The following SDK1 variants were observed in gnomAD, a reference collection of about 807,000 sequenced individuals.
SDK1 encodes the protein sidekick cell adhesion molecule 1.
In SDK1, 157 loss-of-function variants were observed where a neutral mutation model predicts 245.5. The observed-to-expected ratio is 0.64, with a 90% CI of 0.56 to 0.73. The LOEUF is 0.73. SDK1 is among the 30% of genes least tolerant of loss of function. The probability of loss-of-function intolerance (pLI) is 0.00; values close to 1 mark genes in which losing one functional copy is unlikely to be tolerated. For missense variants in SDK1, 3,583 were observed against 3,002.3 expected (o/e 1.19, Z -4.52); for synonymous variants, 1,647 against 1,278.5 (o/e 1.29, Z -6.15).
At chr7:4,131,202 T>C (rs949791730) in intron 27 of SDK1, among the ~76,000 whole-genome samples, 7 of 152,232 alleles carry the variant, frequency 4.6e-5, no homozygotes, top group Non-Finnish European at 7.3e-5. Flanking sequence ...GCAGGCCCAC[T>C]GCAACTGTTC....
chr7:4,213,570 C>T lies in SDK1; in HGVS notation c.5539+3408C>T, dbSNP rs551292952. Among the ~76,000 whole-genome samples the T allele has an allele frequency of 4.1e-4, 62 of 150,988 alleles. 2 individuals carry two copies. The highest frequency in any genetic ancestry group is 1.4e-3 in the African/African-American group (58 of 40,978). On this transcript the variant is annotated intron_variant, in intron 38 of 44. Transcript: ENST00000404826. ...ACTGCACTCCAGCCTGGTGACAGAG[C>T]GAGATTCTGTCTCAAAAAAAAAAAA...
chr7:3,794,610 C>G (rs1474406592), intron 4 of SDK1, among the ~76,000 whole-genome samples: 1 of 152,144 alleles, frequency 6.6e-6, no homozygotes, highest in Non-Finnish European at 1.5e-5. Context: ...ACCCTCAACC[C>G]CCTTGCCATG....
At chr7:3,971,215 C>A (rs1782462488) in intron 11 of SDK1, among the ~76,000 whole-genome samples, 1 of 152,046 alleles carries the variant, frequency 6.6e-6, no homozygotes, top group Non-Finnish European at 1.5e-5. Context: ...CATTCAGTTA[C>A]TTCCATGGTG....
intron 28 of SDK1, among the ~76,000 whole-genome samples, chr7:4,143,966 C>T (rs977907490): frequency 2.0e-5 from 3 of 152,168 alleles, no homozygotes; most frequent in African/African-American, 7.2e-5. Context: ...CTCTCCTCAC[C>T]GTCAGAGTGC....
intron 1 of SDK1, among the ~76,000 whole-genome samples, chr7:3,476,347 C>T (rs1391088446): frequency 6.6e-6 from 1 of 152,160 alleles, no homozygotes; most frequent in African/African-American, 2.4e-5. Flanking sequence ...CGCTCCTGGT[C>T]GCATCTAACA....
At chr7:3,999,437 A>C (rs767652984) in intron 14 of SDK1, among the ~76,000 whole-genome samples, 1 of 152,232 alleles carries the variant, frequency 6.6e-6, no homozygotes, top group African/African-American at 2.4e-5. Context: ...TTGCCAGGAA[A>C]GTGGATCTGA....
At chr7:4,186,182 G>A (rs563078858) in intron 35 of SDK1, among the ~76,000 whole-genome samples, 9 of 152,206 alleles carry the variant, frequency 5.9e-5, no homozygotes, top group Non-Finnish European at 7.3e-5. Context: ...ATGAATCCAC[G>A]CTGACCGAAA....
chr7:4,249,681 C>T (rs1787164863), intron 44 of SDK1, among the ~76,000 whole-genome samples: 1 of 152,168 alleles, frequency 6.6e-6, no homozygotes, highest in African/African-American at 2.4e-5. Context: ...CGTAGCCTCC[C>T]TTGTCTGTAG....
chr7:4,116,614 G>C (rs1301995357), intron 25 of SDK1, among the ~76,000 whole-genome samples: 1 of 152,210 alleles, frequency 6.6e-6, no homozygotes, highest in African/African-American at 2.4e-5. Flanking sequence ...CTCAATGCTG[G>C]TTAACTTTCA....
chr7:3,626,644 C>T (rs915432722), intron 2 of SDK1, among the ~76,000 whole-genome samples: 3 of 152,222 alleles, frequency 2.0e-5, no homozygotes, highest in African/African-American at 4.8e-5. Context: ...CTTCTCTCCT[C>T]CTCACCTCTG....
chr7:3,971,573 G>A lies in SDK1; in HGVS notation c.1817+5G>A. ...TGACCCCCGGGTTTCACTCCGGTCA[G>A]CACAATCAGTTACAATGCTTTGGGG... On this transcript the variant is annotated splice_donor_5th_base_variant and intron_variant, in intron 12 of 44. Coordinates refer to ENST00000404826, the MANE Select transcript of SDK1 (RefSeq NM_152744.4). 2 of 1,599,578 alleles carry A rather than the reference G, an allele frequency of 1.3e-6. No individual in the cohort carries two copies. Among genetic ancestry groups the A allele is most frequent in the Non-Finnish European group, 8.6e-7 (1 of 1,168,930 alleles).
In SDK1 at chr7:4,265,503, A is replaced by C. The variant is rs888001075; in HGVS notation, c.*119A>C. On this transcript the variant is annotated 3_prime_UTR_variant, in exon 45 of 45. Coordinates refer to ENST00000404826, the MANE Select transcript of SDK1 (RefSeq NM_152744.4). The stretch of plus-strand genomic sequence containing the variant: ...TTTTGTTTAAAAAGAAAAAAATCTG[A>C]TAAGTGATGATTTTACCTACTTGTG... 2.1e-5 allele frequency: 29 copies of C among 1,372,286 alleles called. No homozygotes were observed. In the South Asian group the frequency reaches 4.4e-4, roughly 21 times the overall value. 85.0% of individuals were successfully genotyped at this position (1,372,286 alleles called of 1,614,324 possible). A position where few individuals can be genotyped will look rare whatever the true frequency, so the allele number is the denominator to read the frequency against.
intron 17 of SDK1, among the ~76,000 whole-genome samples, chr7:4,045,543 G>T (rs1016996417): frequency 6.6e-6 from 1 of 152,062 alleles, no homozygotes; most frequent in Non-Finnish European, 1.5e-5. Flanking sequence ...ACTATGCCCC[G>T]CTTCATGTAG....
intron 19 of SDK1, among the ~76,000 whole-genome samples, chr7:4,061,270 A>G (rs1779522776): frequency 6.6e-6 from 1 of 152,106 alleles, no homozygotes; most frequent in South Asian, 2.1e-4. Context: ...CTTCCTACCC[A>G]TGAGCATGGA....
At chr7:3,711,218 C>A (rs1486568338) in intron 4 of SDK1, among the ~76,000 whole-genome samples, 1 of 152,176 alleles carries the variant, frequency 6.6e-6, no homozygotes, top group African/African-American at 2.4e-5. Flanking sequence ...TTGCAGATCT[C>A]TTCTTCTCTT....
chr7:3,536,311 C>G (rs1778886714), intron 1 of SDK1, among the ~76,000 whole-genome samples: 1 of 151,984 alleles, frequency 6.6e-6, no homozygotes, highest in African/African-American at 2.4e-5. Flanking sequence ...TGTGATCTGC[C>G]TGCCTCAGCC....
intron 35 of SDK1, among the ~76,000 whole-genome samples, chr7:4,204,996 C>CGG (rs1784125186): frequency 6.6e-6 from 1 of 151,900 alleles, no homozygotes; most frequent in African/African-American, 2.4e-5. Flanking sequence ...CCCCTAATGG[C>CGG]GGTGTGGTAA....
At chr7:3,812,310 CA>C (rs1333889868) in intron 4 of SDK1, among the ~76,000 whole-genome samples, 2 of 152,330 alleles carry the variant, frequency 1.3e-5, no homozygotes, top group East Asian at 3.9e-4. Flanking sequence ...ATCGACTACA[CA>C]CTGTTTGGCT....
intron 17 of SDK1, among the ~76,000 whole-genome samples, chr7:4,018,731 G>C (rs1007249801): frequency 6.6e-6 from 1 of 152,180 alleles, no homozygotes; most frequent in Non-Finnish European, 1.5e-5. Flanking sequence ...GGGCTTTGAG[G>C]CTTTGGACTC....
Sources: allele counts gnomAD v4.1 joint callset (sites outside exome capture counted in the v4.1 genomes callset), GRCh38; gene constraint gnomAD v4.1.1; transcripts MANE v1.5; gene names NCBI Gene and HGNC (gene_info 2026-07-23, HGNC 2026-07-21).